The following RPRD2 variants were observed in gnomAD, a reference collection of about 807,000 sequenced individuals.
The protein encoded by RPRD2 is regulation of nuclear pre-mRNA domain-containing protein 2.
RPRD2 carries 12 observed loss-of-function variants against 104.4 expected under a neutral mutation model. The observed-to-expected ratio is 0.11, with a 90% confidence interval of 0.07 to 0.19. RPRD2 has a LOEUF of 0.19. Ranked by LOEUF, RPRD2 falls within the 10% of genes least tolerant of loss-of-function variation. The probability of loss-of-function intolerance (pLI) is 1.00; values close to 1 mark genes in which losing one functional copy is unlikely to be tolerated. For missense variants in RPRD2, 1,543 were observed against 1,790.1 expected, an observed-to-expected ratio of 0.86 and a Z score of 2.49; for synonymous variants, 714 against 684.9, an observed-to-expected ratio of 1.04 and a Z score of -0.66.
At chr1:150,385,979 T>G (rs1369451528) in intron 1 of RPRD2, among the ~76,000 whole-genome samples, 1 of 151,904 alleles carries the variant, frequency 6.6e-6, no homozygotes, top group Non-Finnish European at 1.5e-5. Context: ...TAATAAATCG[T>G]AGGTAAGTAG....
intron 1 of RPRD2, among the ~76,000 whole-genome samples, chr1:150,376,921 T>C (rs1034186108): frequency 2.6e-5 from 4 of 151,280 alleles, no homozygotes; most frequent in Non-Finnish European, 5.9e-5. Context: ...TTAGAAATAC[T>C]GAGTGCTGGC....
intron 2 of RPRD2, 49 bp from the exon 3 acceptor site, chr1:150,440,874 G>A: frequency 1.2e-6 from 1 of 855,372 alleles, no homozygotes; most frequent in Non-Finnish European, 1.8e-6. Flanking sequence ...CTAGTTTGGA[G>A]TAGAAGTCAA....
chr1:150,435,736 G>C (rs1560200377), intron 2 of RPRD2, among the ~76,000 whole-genome samples: 1 of 152,230 alleles, frequency 6.6e-6, no homozygotes, highest in Non-Finnish European at 1.5e-5. Context: ...GAAGCAGCAA[G>C]TGCTGATGTA....
intron 1 of RPRD2, among the ~76,000 whole-genome samples, chr1:150,394,004 G>T (rs776603829): frequency 6.6e-6 from 1 of 151,822 alleles, no homozygotes; most frequent in South Asian, 2.1e-4. Context: ...GCTTTATATC[G>T]GCTGGTGTTG....
At chr1:150,438,140 A>G (rs1666142309) in intron 2 of RPRD2, among the ~76,000 whole-genome samples, 1 of 151,610 alleles carries the variant, frequency 6.6e-6, no homozygotes, top group Non-Finnish European at 1.5e-5. Context: ...ATATACAAAA[A>G]TTAGCCGGGC....
chr1:150,472,816 T>G lies in RPRD2; in HGVS notation c.3868T>G (p.Ser1290Ala), dbSNP rs753611279. Residue 1290 changes from serine (S) to alanine (A), a missense_variant, in exon 11 of 11, where the codon TCT becomes GCT. By Grantham distance (99) the Ser-to-Ala change is moderately conservative. Around this residue, in one of 4 missense-constraint regions of RPRD2, gnomAD observed 880 missense variants for 885.6 expected, o/e 0.99. Coordinates refer to ENST00000369068, the MANE Select transcript of RPRD2 (RefSeq NM_015203.5). Reference sequence around the variant, plus strand: ...CAGTGGTGGGAGTGGTGTCCCCTTTTCTACTCCACCCCCTCCTCCACCCCC... The same window carrying G: ...CAGTGGTGGGAGTGGTGTCCCCTTTGCTACTCCACCCCCTCCTCCACCCCC... ...SSSGGSGVPF[S>A]TPPPPPPPVD... 6.2e-7 allele frequency: 1 copy of G among 1,610,266 alleles called. No individual in the cohort carries two copies. The highest frequency in any genetic ancestry group is 1.7e-5 in the Admixed American group (1 of 59,838).
intron 1 of RPRD2, among the ~76,000 whole-genome samples, chr1:150,388,159 C>T (rs1661742560): frequency 6.6e-6 from 1 of 151,418 alleles, no homozygotes; most frequent in Non-Finnish European, 1.5e-5. Flanking sequence ...CTCAAGCAAA[C>T]CACCCACCTT....
chr1:150,413,696 C>T (rs151169525), intron 1 of RPRD2, among the ~76,000 whole-genome samples: 1 of 152,176 alleles, frequency 6.6e-6, no homozygotes, highest in African/African-American at 2.4e-5. Flanking sequence ...GAGGCCAAGG[C>T]TGGTGGATTC....
chr1:150,452,586 A>C (rs587624668), intron 7 of RPRD2, among the ~76,000 whole-genome samples: 1 of 151,046 alleles, frequency 6.6e-6, no homozygotes, highest in South Asian at 2.1e-4. Context: ...ATTACTACTA[A>C]TATTTACTTT....
chr1:150,398,282 T>C (rs1553884625), intron 1 of RPRD2, among the ~76,000 whole-genome samples: 9 of 151,912 alleles, frequency 5.9e-5, no homozygotes, highest in South Asian at 2.1e-4. Context: ...CTGCAAGCTC[T>C]GCCTCCCAGG....
At chr1:150,389,515 T>C (rs1173431041) in intron 1 of RPRD2, among the ~76,000 whole-genome samples, 5 of 152,208 alleles carry the variant, frequency 3.3e-5, no homozygotes, top group African/African-American at 1.2e-4. Flanking sequence ...TCACATGATA[T>C]CAAGAGTGTC....
chr1:150,433,415 TACAC>T (rs59986598), intron 2 of RPRD2, among the ~76,000 whole-genome samples: 11 of 136,950 alleles, frequency 8.0e-5, no homozygotes, highest in South Asian at 2.2e-4. Flanking sequence ...ATACTATATA[TACAC>T]ACACACACAC....
chr1:150,428,439 A>AG (rs1438198218), intron 2 of RPRD2, among the ~76,000 whole-genome samples: 1 of 128,212 alleles, frequency 7.8e-6, no homozygotes, highest in Non-Finnish European at 1.6e-5. Context: ...TGGGTGATAG[A>AG]GTGAGACTCT....
intron 1 of RPRD2, among the ~76,000 whole-genome samples, chr1:150,394,457 T>C (rs1271258999): frequency 6.6e-6 from 1 of 152,184 alleles, no homozygotes; most frequent in African/African-American, 2.4e-5. Flanking sequence ...TACTTTAAGA[T>C]GGTTTGGCAA....
intron 1 of RPRD2, among the ~76,000 whole-genome samples, chr1:150,377,708 A>G (rs1235452381): frequency 6.6e-6 from 1 of 152,076 alleles, no homozygotes; most frequent in Non-Finnish European, 1.5e-5. Context: ...TAGAATAGGT[A>G]TCACTTTGGT....
intron 1 of RPRD2, 40 bp from the exon 2 acceptor site, chr1:150,417,556 G>T: frequency 6.9e-7 from 1 of 1,447,320 alleles, no homozygotes; most frequent in South Asian, 1.5e-5. Context: ...AGTGCAAATT[G>T]ACTCATTTGG....
At chr1:150,450,422 C>T (rs587694242) in intron 7 of RPRD2, among the ~76,000 whole-genome samples, 11 of 151,358 alleles carry the variant, frequency 7.3e-5, no homozygotes, top group Non-Finnish European at 1.0e-4. Context: ...CTGGCTAACA[C>T]GGTGAAACCC....
chr1:150,373,614 G>A (rs1361968077), intron 1 of RPRD2, among the ~76,000 whole-genome samples: 6 of 149,300 alleles, frequency 4.0e-5, no homozygotes, highest in Non-Finnish European at 8.9e-5. Context: ...GGCTGTGAGT[G>A]GAGCAGATTT....
chr1:150,395,126 A>G (rs1662397520), intron 1 of RPRD2, among the ~76,000 whole-genome samples: 1 of 152,044 alleles, frequency 6.6e-6, no homozygotes, highest in South Asian at 2.1e-4. Flanking sequence ...CACTGAACCC[A>G]ATTTGTGGTC....
Sources: allele counts gnomAD v4.1 joint callset (sites outside exome capture counted in the v4.1 genomes callset), GRCh38; gene constraint gnomAD v4.1.1; regional missense constraint gnomAD v4.1.1; transcripts MANE v1.5; gene names NCBI Gene and HGNC (gene_info 2026-07-23, HGNC 2026-07-21).